The following ZNF710 variants were observed in gnomAD, a reference collection of about 807,000 sequenced individuals.
ZNF710 encodes the protein zinc finger protein 710.
ZNF710 carries 13 observed loss-of-function variants against 50.6 expected under a neutral mutation model. The observed-to-expected ratio is 0.26, with a 90% confidence interval of 0.17 to 0.41. The LOEUF is 0.41. Ranked by LOEUF, ZNF710 falls within the 10% of genes least tolerant of loss-of-function variation. The probability of loss-of-function intolerance (pLI) is 1.00; values close to 1 mark genes in which losing one functional copy is unlikely to be tolerated. For synonymous variants in ZNF710, 383 were observed against 397.0 expected, an observed-to-expected ratio of 0.96 and a Z score of 0.42; for missense variants, 721 against 936.6, an observed-to-expected ratio of 0.77 and a Z score of 3.01.
In ZNF710 at chr15:90,067,097, T is replaced by A; in HGVS notation, c.-28-13T>A. ...TGAGCCAGCAATATTAACCTTCCCTTCTCCACCCACAGCGATGCCCTCCTA... is the reference window on the plus strand; with the variant it reads ...TGAGCCAGCAATATTAACCTTCCCTACTCCACCCACAGCGATGCCCTCCTA... On this transcript the variant is annotated splice_polypyrimidine_tract_variant and intron_variant, in intron 1 of 4. Coordinates refer to ENST00000268154, the MANE Select transcript of ZNF710 (RefSeq NM_198526.4). This position sits in a 1 kb window ranked among gnomAD's most constrained non-coding sequence, Gnocchi z 8.1. 1.3e-6 allele frequency: 2 copies of A among 1,548,296 alleles called. No individual in the cohort carries two copies. Among genetic ancestry groups the A allele is most frequent in the Non-Finnish European group, 1.7e-6 (2 of 1,146,604 alleles).
In ZNF710 at chr15:90,036,124, CCTT is replaced by C. The variant is rs139718795; in HGVS notation, c.-28-30983_-28-30981del. Among the ~76,000 whole-genome samples, 390 of 152,262 alleles carry C rather than the reference CCTT, an allele frequency of 2.6e-3. 2 individuals carry two copies. The highest frequency in any genetic ancestry group is 4.5e-3 in the Non-Finnish European group (308 of 68,024). On this transcript the variant is annotated intron_variant, in intron 1 of 4. Transcript: ENST00000268154. ...TCCACTTCGAAGCGCAAGCACTTCACCTTCTCCTTTTTGTTCTTCTCTACCCTG... is the reference window on the plus strand; with the variant it reads ...TCCACTTCGAAGCGCAAGCACTTCACCTCCTTTTTGTTCTTCTCTACCCTG...
chr15:90,010,101 A>G (rs1363895913), intron 1 of ZNF710, among the ~76,000 whole-genome samples: 2 of 151,978 alleles, frequency 1.3e-5, no homozygotes, highest in Non-Finnish European at 2.9e-5. Context: ...GCCACAGTTC[A>G]TTGCTACTTG....
chr15:90,052,925 T>A (rs969654033), intron 1 of ZNF710, among the ~76,000 whole-genome samples: 1 of 152,130 alleles, frequency 6.6e-6, no homozygotes, highest in Non-Finnish European at 1.5e-5. Context: ...AGAGAGAGAC[T>A]CTGCCTCAAA....
chr15:90,045,849 G>A (rs1180567167), intron 1 of ZNF710, among the ~76,000 whole-genome samples: 3 of 152,270 alleles, frequency 2.0e-5, no homozygotes, highest in Non-Finnish European at 2.9e-5. Flanking sequence ...GGGAAGAGAC[G>A]CGAGGTAGCA....
chr15:90,053,471 C>G (rs1271733184), intron 1 of ZNF710, among the ~76,000 whole-genome samples: 10 of 152,078 alleles, frequency 6.6e-5, no homozygotes, highest in African/African-American at 9.7e-5. Flanking sequence ...ACTCAGCCCC[C>G]CAAGTAGCTG....
rs1006725302 is a variant in ZNF710 at position 90,003,975 on chromosome 15, T to C, written c.-29+2361T>C. Reference sequence around the variant, plus strand: ...CTCCAGCCTGGCCTGGTTGCCTGTGTCTTGGTGGAGGGGGCTGCAGTGAGT... The same window carrying C: ...CTCCAGCCTGGCCTGGTTGCCTGTGCCTTGGTGGAGGGGGCTGCAGTGAGT... On this transcript the variant is annotated intron_variant, in intron 1 of 4. Transcript: ENST00000268154. Among the ~76,000 whole-genome samples, 3 of 152,220 alleles carry C rather than the reference T, an allele frequency of 2.0e-5. No homozygotes were observed. The East Asian group carries it at 5.8e-4, about 29-fold the overall frequency.
At position 90,067,701 on chromosome 15, in the gene ZNF710, C is replaced by T; in HGVS notation, c.564C>T (p.Asp188=). 6.2e-7 allele frequency: 1 copy of T among 1,610,346 alleles called. No homozygotes were observed. The highest frequency in any genetic ancestry group is 8.5e-7 in the Non-Finnish European group (1 of 1,178,382). ...PRPELNVAPY[D]PHFPAPARDG... The stretch of plus-strand genomic sequence containing the variant: ...CGGAGCTGAACGTGGCCCCATATGA[C>T]CCTCACTTCCCGGCCCCGGCCCGGG... The change falls in exon 2 of 5, where the codon GAC becomes GAT. Residue 188 remains aspartate (D), a synonymous_variant. Coordinates refer to ENST00000268154, the MANE Select transcript of ZNF710 (RefSeq NM_198526.4). This position sits in a 1 kb window ranked among gnomAD's most constrained non-coding sequence, Gnocchi z 8.1.
At chr15:90,024,515 A>G (rs1393495776) in intron 1 of ZNF710, among the ~76,000 whole-genome samples, 1 of 152,220 alleles carries the variant, frequency 6.6e-6, no homozygotes, top group Non-Finnish European at 1.5e-5. Context: ...CCCCGGTGCA[A>G]GATGACTCCC....
At chr15:90,021,861 G>A (rs1022287780) in intron 1 of ZNF710, among the ~76,000 whole-genome samples, 5 of 152,116 alleles carry the variant, frequency 3.3e-5, no homozygotes, top group Non-Finnish European at 7.3e-5. Context: ...TGAGGCAGGC[G>A]GATCACCTGA....
At position 90,038,740 on chromosome 15, in the gene ZNF710, T is replaced by TGTGTGTGTGTGTGTGTGTGTGTGA. The variant is rs150950322; in HGVS notation, c.-28-28369_-28-28368insTGTGTGTGTGTGTGTGTGTGTGAG. ...GTGTGTGTGTGTGTGTGTGTGTGTG[T>TGTGTGTGTGTGTGTGTGTGTGTGA]GAGACATTGGCTTTGAAGAGTCCAG... On this transcript the variant is annotated intron_variant, in intron 1 of 4. Coordinates refer to ENST00000268154, the MANE Select transcript of ZNF710 (RefSeq NM_198526.4). 3.3e-3 allele frequency among the ~76,000 whole-genome samples: 490 copies of TGTGTGTGTGTGTGTGTGTGTGTGA among 148,588 alleles called. 2 individuals are homozygous for TGTGTGTGTGTGTGTGTGTGTGTGA. Among genetic ancestry groups the TGTGTGTGTGTGTGTGTGTGTGTGA allele is most frequent in the East Asian group, 1.0e-2 (51 of 5,116 alleles).
rs556809634 is a variant in ZNF710 at position 90,020,199 on chromosome 15, C to T, written c.-29+18585C>T. Among the ~76,000 whole-genome samples the T allele has an allele frequency of 2.3e-3, 344 of 152,336 alleles. 7 individuals are homozygous for T. Among genetic ancestry groups the T allele is most frequent in the South Asian group, 1.0e-3 (5 of 4,828 alleles). ...CTCTTCCTCCTTTTCCGCTGTCTTC[C>T]TCCTGCGTGACAGCGCATTCTTCAT... is the stretch of plus-strand genomic sequence containing the variant. On this transcript the variant is annotated intron_variant, in intron 1 of 4. Coordinates refer to ENST00000268154, the MANE Select transcript of ZNF710 (RefSeq NM_198526.4).
intron 1 of ZNF710, among the ~76,000 whole-genome samples, chr15:90,020,837 G>A (rs1489476331): frequency 6.6e-6 from 1 of 152,148 alleles, no homozygotes; most frequent in Non-Finnish European, 1.5e-5. Context: ...CCCGCAACTT[G>A]TGACAGTGTT....
intron 1 of ZNF710, among the ~76,000 whole-genome samples, chr15:90,008,465 T>TATATATATATATATATATAC (rs1567218501): frequency 1.3e-4 from 18 of 137,226 alleles, no homozygotes; most frequent in African/African-American, 5.9e-4. Context: ...TATATATATA[T>TATATATATATATATATATAC]ACATGAAGTA....
intron 1 of ZNF710, among the ~76,000 whole-genome samples, chr15:90,009,510 C>T (rs1258408294): frequency 6.6e-6 from 1 of 152,120 alleles, no homozygotes; most frequent in African/African-American, 2.4e-5. Flanking sequence ...CTCCTTGAAG[C>T]AGCCCTGCCC....
Position 90,080,403 on chromosome 15 carries a change from T to A in ZNF710, c.*574T>A, listed in dbSNP as rs1038325979. The A allele has an allele frequency of 6.5e-6, 1 of 152,872 alleles. No homozygotes were observed. The highest frequency in any genetic ancestry group is 2.4e-5 in the African/African-American group (1 of 41,464). The allele number at this position is 152,872 out of a possible 1,614,324, so 9.5% of individuals were successfully genotyped here. A position where few individuals can be genotyped will look rare whatever the true frequency, so the allele number is the denominator to read the frequency against. On this transcript the variant is annotated 3_prime_UTR_variant, in exon 5 of 5. Coordinates refer to ENST00000268154, the MANE Select transcript of ZNF710 (RefSeq NM_198526.4). ...GCGCTCCTCAAGCCAGGTGTGCACG[T>A]GGCCCTGGCCCTGGCCTGCAGGACA... is the stretch of plus-strand genomic sequence containing the variant.
chr15:89,998,697 A>T (rs1002030024), upstream of ZNF710, among the ~76,000 whole-genome samples: 16 of 152,200 alleles, frequency 1.1e-4, no homozygotes, highest in East Asian at 3.8e-4. Context: ...ACACCATGCT[A>T]GGTGTGGGGT....
chr15:90,073,397 A>C, intron 3 of ZNF710, 135 bp downstream of exon 3: 1 of 1,048,680 alleles, frequency 9.5e-7, no homozygotes, highest in South Asian at 1.6e-5. Context: ...GGTGAAACTT[A>C]GCCTGGGCTT....
chr15:90,050,463 G>A lies in ZNF710; in HGVS notation c.-28-16647G>A, dbSNP rs544929109. Among the ~76,000 whole-genome samples the A allele has an allele frequency of 3.3e-5, 5 of 152,300 alleles. No individual in the cohort carries two copies. In the South Asian group the frequency reaches 1.0e-3, roughly 32 times the overall value. On this transcript the variant is annotated intron_variant, in intron 1 of 4. Transcript: ENST00000268154. Reference sequence around the variant, plus strand: ...GCCCTCCTCTCTGGCTGGGTCTATGGGGGAAGGGGTCTTCCTAATCAGCTT... The same window carrying A: ...GCCCTCCTCTCTGGCTGGGTCTATGAGGGAAGGGGTCTTCCTAATCAGCTT...
chr15:90,056,579 G>C (rs1165794472), intron 1 of ZNF710, among the ~76,000 whole-genome samples: 1 of 152,194 alleles, frequency 6.6e-6, no homozygotes, highest in Non-Finnish European at 1.5e-5. Context: ...CTGAAGCACA[G>C]GGTCTTCAGC....
Sources: gnomAD v4.1 joint callset for allele counts (sites outside exome capture counted in the v4.1 genomes callset) on GRCh38, gnomAD v4.1.1 for gene constraint, Gnocchi (gnomAD v3.1) non-coding constraint, MANE v1.5 for transcripts, NCBI Gene and HGNC (gene_info 2026-07-23, HGNC 2026-07-21) for gene names.